Variants in AKAP13 observed in about 807,000 individuals in gnomAD.
AKAP13 encodes the protein A-kinase anchor protein 13.
A neutral mutation model predicts 264.5 loss-of-function variants in AKAP13; 80 were observed. The observed-to-expected ratio is 0.30, with a 90% CI of 0.25 to 0.36. AKAP13 has a LOEUF of 0.36. Ranked by LOEUF, AKAP13 falls within the 10% of genes least tolerant of loss-of-function variation. The probability of loss-of-function intolerance (pLI) is 1.00; values close to 1 mark genes in which losing one functional copy is unlikely to be tolerated. For missense variants in AKAP13, 3,712 were observed against 3,435.2 expected, an observed-to-expected ratio of 1.08 and a Z score of -2.01; for synonymous variants, 1,380 against 1,250.2, an observed-to-expected ratio of 1.10 and a Z score of -2.19.
chr15:85,702,941 A>G (rs1441709881), intron 17 of AKAP13, among the ~76,000 whole-genome samples: 1 of 152,184 alleles, frequency 6.6e-6, no homozygotes, highest in Non-Finnish European at 1.5e-5. Context: ...TGTTATGTTC[A>G]GGTTTTGGGG....
intron 1 of AKAP13, among the ~76,000 whole-genome samples, chr15:85,399,509 A>AAAAAAAAAAT (rs2071292213): frequency 2.5e-4 from 16 of 63,362 alleles, no homozygotes; most frequent in Middle Eastern, 8.1e-3. Flanking sequence ...TCTCAAAAAA[A>AAAAAAAAAAT]AAAAAAAAAA....
At chr15:85,625,750 T>C (rs1596773490) in intron 8 of AKAP13, among the ~76,000 whole-genome samples, 1 of 152,198 alleles carries the variant, frequency 6.6e-6, no homozygotes, top group Non-Finnish European at 1.5e-5. Flanking sequence ...GGCCTGGCAT[T>C]GTATCTGGCC....
At chr15:85,446,718 T>C (rs1159497940) in intron 1 of AKAP13, among the ~76,000 whole-genome samples, 1 of 150,374 alleles carries the variant, frequency 6.7e-6, no homozygotes, top group African/African-American at 2.4e-5. Flanking sequence ...TTCTTTTTTT[T>C]TTTTTTTTTT....
At chr15:85,647,453 G>C (rs1261620114) in intron 10 of AKAP13, among the ~76,000 whole-genome samples, 1 of 150,846 alleles carries the variant, frequency 6.6e-6, no homozygotes, top group Non-Finnish European at 1.5e-5. Flanking sequence ...TAAAGATTTG[G>C]GAATCAGGAG....
chr15:85,461,949 C>T (rs983447315), intron 1 of AKAP13, among the ~76,000 whole-genome samples: 6 of 152,128 alleles, frequency 3.9e-5, no homozygotes, highest in Admixed American at 6.5e-5. Context: ...CTGATTTCGT[C>T]TATTTGTTAA....
intron 1 of AKAP13, chr15:85,415,438 A>T (rs2072195606): frequency 1.2e-6 from 2 of 1,606,006 alleles, no homozygotes; most frequent in East Asian, 2.2e-5. Context: ...ACCCTGGGAG[A>T]GAAGTTTGAA....
intron 8 of AKAP13, among the ~76,000 whole-genome samples, chr15:85,605,313 T>C (rs2080274201): frequency 6.6e-6 from 1 of 152,108 alleles, no homozygotes; most frequent in South Asian, 2.1e-4. Context: ...TTAGAAAGGG[T>C]CTTTTGCAGG....
chr15:85,656,728 G>A (rs2083115049), intron 11 of AKAP13, among the ~76,000 whole-genome samples: 2 of 152,302 alleles, frequency 1.3e-5, no homozygotes, highest in Non-Finnish European at 2.9e-5. Context: ...GATCACAGGC[G>A]TGAGCCAGCG....
intron 17 of AKAP13, chr15:85,700,961 C>T (rs985555095): frequency 5.9e-5 from 9 of 152,266 alleles, no homozygotes; most frequent in Middle Eastern, 3.4e-3. Context: ...TCTGACCTCA[C>T]GTTTTTAGTT....
chr15:85,594,808 T>G (rs2079738157), intron 8 of AKAP13, among the ~76,000 whole-genome samples: 1 of 152,182 alleles, frequency 6.6e-6, no homozygotes, highest in African/African-American at 2.4e-5. Context: ...TATTCCATAT[T>G]AGGTTTTGAT....
Position 85,415,443 on chromosome 15 carries a change from T to C in AKAP13, c.-12+34645T>C, listed in dbSNP as rs2072196076. 7 of 1,604,432 alleles carry C rather than the reference T, an allele frequency of 4.4e-6. No homozygotes were observed. The South Asian group carries it at 7.7e-5, about 18-fold the overall frequency. On this transcript the variant is annotated intron_variant, in intron 1 of 36. Transcript: ENST00000394518. ...GTTTTCTTGTACCCTGGGAGAGAAGTTTGAAGAAACCACAGCTGATGGCAG... is the reference window on the plus strand; with the variant it reads ...GTTTTCTTGTACCCTGGGAGAGAAGCTTGAAGAAACCACAGCTGATGGCAG...
intron 3 of AKAP13, 142 bp downstream of exon 3, chr15:85,521,717 C>T: frequency 1.1e-6 from 1 of 890,994 alleles, no homozygotes; most frequent in South Asian, 2.7e-5. Context: ...GTTTGAATAT[C>T]TGGTCCTGCT....
At chr15:85,622,488 C>T (rs562275253) in intron 8 of AKAP13, among the ~76,000 whole-genome samples, 1 of 152,258 alleles carries the variant, frequency 6.6e-6, no homozygotes, top group South Asian at 2.1e-4. Context: ...GAGGTGGGAC[C>T]TGGAAGAGCA....
intron 8 of AKAP13, among the ~76,000 whole-genome samples, chr15:85,620,960 A>G (rs769248661): frequency 2.0e-5 from 3 of 152,178 alleles, no homozygotes; most frequent in African/African-American, 4.8e-5. Flanking sequence ...AAATTTAGCA[A>G]TTTTCTGGCA....
intron 8 of AKAP13, among the ~76,000 whole-genome samples, chr15:85,625,902 T>A (rs2081388097): frequency 6.6e-6 from 1 of 152,194 alleles, no homozygotes; most frequent in African/African-American, 2.4e-5. Flanking sequence ...GCCACATCAA[T>A]GATTCTGAAA....
intron 8 of AKAP13, among the ~76,000 whole-genome samples, chr15:85,618,025 C>A (rs12900016): frequency 3.9e-5 from 6 of 152,022 alleles, no homozygotes; most frequent in Non-Finnish European, 8.8e-5. Context: ...ACTTGGGGCA[C>A]GAGAAGGGGA....
Position 85,551,700 on chromosome 15 carries a change from A to G in AKAP13, c.662+7745A>G, listed in dbSNP as rs17768825. Among the ~76,000 whole-genome samples the G allele has an allele frequency of 2.0e-4, 31 of 152,346 alleles. No individual in the cohort carries two copies. The East Asian group carries it at 5.4e-3, about 27-fold the overall frequency. Reference sequence around the variant, plus strand: ...TCAGAGTGGTCAGAGTTGTGAAATTACACTACTTGATCTGTGGTAACAAAT... The same window carrying G: ...TCAGAGTGGTCAGAGTTGTGAAATTGCACTACTTGATCTGTGGTAACAAAT... On this transcript the variant is annotated intron_variant, in intron 5 of 36. Coordinates refer to ENST00000394518, the MANE Select transcript of AKAP13 (RefSeq NM_007200.5).
Position 85,726,484 on chromosome 15 carries a change from T to C in AKAP13, c.6820T>C (p.Leu2274=). The C allele has an allele frequency of 2.5e-6, 4 of 1,610,168 alleles. No individual in the cohort carries two copies. The African/African-American group carries it at 4.0e-5, about 16-fold the overall frequency. ...EKDQKYIFAS[L]DQKSTVISLK... The stretch of plus-strand genomic sequence containing the variant: ...AGACCAGAAGTACATCTTTGCATCA[T>C]TGGTAAGCTGAATTGTTATTTTTGT... The change falls in exon 27 of 37, where the codon TTG becomes CTG. Residue 2274 remains leucine, a splice_region_variant and synonymous_variant. Coordinates refer to ENST00000394518, the MANE Select transcript of AKAP13 (RefSeq NM_007200.5).
At chr15:85,656,202 C>T (rs1318122997) in intron 11 of AKAP13, among the ~76,000 whole-genome samples, 1 of 152,220 alleles carries the variant, frequency 6.6e-6, no homozygotes, top group Non-Finnish European at 1.5e-5. Context: ...AGTCTTAACA[C>T]ATCAAAGTCT....
Sources: allele counts gnomAD v4.1 joint callset (sites outside exome capture counted in the v4.1 genomes callset), GRCh38; gene constraint gnomAD v4.1.1; transcripts MANE v1.5; gene names NCBI Gene and HGNC (gene_info 2026-07-23, HGNC 2026-07-21).